The following TAFA2 variants were observed in gnomAD, a reference collection of about 807,000 sequenced individuals.
TAFA2 encodes the protein chemokine-like protein TAFA-2.
A neutral mutation model predicts 18.8 loss-of-function variants in TAFA2; 7 were observed. That is an observed-to-expected ratio of 0.37 (90% CI 0.21 to 0.70). The LOEUF (loss-of-function observed/expected upper bound fraction) is 0.70. TAFA2 is among the 30% of genes least tolerant of loss of function. The pLI, the probability that TAFA2 is intolerant of heterozygous loss-of-function variation, is 0.53. For missense variants in TAFA2, 122 were observed against 158.1 expected (o/e 0.77, Z 1.23); for synonymous variants, 60 against 54.2 (o/e 1.11, Z -0.47).
upstream of TAFA2, among the ~76,000 whole-genome samples, chr12:62,259,204 A>C (rs1057377453): frequency 6.6e-6 from 1 of 152,210 alleles, no homozygotes; most frequent in Non-Finnish European, 1.5e-5. Flanking sequence ...GACTTTTCAC[A>C]TCAATATGGT....
chr12:62,189,752 AG>A (rs2062609633), intron 1 of TAFA2, among the ~76,000 whole-genome samples: 2 of 152,216 alleles, frequency 1.3e-5, no homozygotes. Flanking sequence ...CTAATAAAGC[AG>A]TTTAGGAGTG....
At chr12:61,926,806 T>A (rs1457643147) in intron 1 of TAFA2, among the ~76,000 whole-genome samples, 5 of 151,918 alleles carry the variant, frequency 3.3e-5, no homozygotes, top group African/African-American at 9.7e-5. Flanking sequence ...GGTGCAGTGG[T>A]TCACGCCTGT....
chr12:62,058,931 G>C (rs915058003), intron 1 of TAFA2, among the ~76,000 whole-genome samples: 3 of 151,998 alleles, frequency 2.0e-5, no homozygotes, highest in Middle Eastern at 3.2e-3. Context: ...GTGAAACCCC[G>C]TCTCTACTAA....
At chr12:62,129,739 G>C (rs796305987) in intron 1 of TAFA2, among the ~76,000 whole-genome samples, 11 of 152,090 alleles carry the variant, frequency 7.2e-5, no homozygotes, top group African/African-American at 2.6e-4. Flanking sequence ...AGGATGCTTA[G>C]CAGCATTCCT....
At chr12:61,941,420 G>A (rs1283816872) in intron 1 of TAFA2, among the ~76,000 whole-genome samples, 1 of 152,144 alleles carries the variant, frequency 6.6e-6, no homozygotes, top group Non-Finnish European at 1.5e-5. Context: ...ACAAGATCTT[G>A]CCAAAATTAA....
At chr12:61,877,497 TG>T (rs1478582962) in intron 1 of TAFA2, among the ~76,000 whole-genome samples, 2 of 152,110 alleles carry the variant, frequency 1.3e-5, no homozygotes, top group African/African-American at 4.8e-5. Flanking sequence ...AAGGTGGTGG[TG>T]GAAGCCTATT....
rs562548527 is a variant in TAFA2, at chr12:62,043,337, A to G, written c.-2+147922T>C. Among the ~76,000 whole-genome samples the G allele has an allele frequency of 2.0e-5, 3 of 152,268 alleles. No individual in the cohort carries two copies. The East Asian group carries it at 5.8e-4, about 29-fold the overall frequency. Reference sequence around the variant, plus strand: ...AGGGACATGGATGAAACTGGAAACCATCATTCTCAGCAAACTATCGCAAGG... The same window carrying G: ...AGGGACATGGATGAAACTGGAAACCGTCATTCTCAGCAAACTATCGCAAGG... On this transcript the variant is annotated intron_variant, in intron 1 of 4. Transcript: ENST00000416284.
intron 4 of TAFA2, among the ~76,000 whole-genome samples, chr12:61,740,385 T>C (rs1332201461): frequency 1.3e-5 from 2 of 151,802 alleles, no homozygotes; most frequent in Non-Finnish European, 2.9e-5. Context: ...CTAATGTAGA[T>C]GATGGGTTAA....
intron 1 of TAFA2, among the ~76,000 whole-genome samples, chr12:62,209,069 C>T (rs1334378903): frequency 1.3e-5 from 2 of 152,196 alleles, no homozygotes; most frequent in Non-Finnish European, 2.9e-5. Context: ...TTCCCCAACA[C>T]AAGGTTTTTG....
At chr12:61,922,570 G>A (rs1877099737) in intron 1 of TAFA2, among the ~76,000 whole-genome samples, 1 of 152,220 alleles carries the variant, frequency 6.6e-6, no homozygotes, top group Non-Finnish European at 1.5e-5. Context: ...ATCCGGACCA[G>A]AAACTACTTT....
chr12:62,131,794 G>C (rs1404721442), intron 1 of TAFA2, among the ~76,000 whole-genome samples: 2 of 151,952 alleles, frequency 1.3e-5, no homozygotes, highest in African/African-American at 4.8e-5. Context: ...GTCTGAGTTA[G>C]TATATCACTG....
At chr12:61,759,568 A>C in intron 2 of TAFA2, among the ~76,000 whole-genome samples, 1 of 152,022 alleles carries the variant, frequency 6.6e-6, no homozygotes, top group East Asian at 1.9e-4. Flanking sequence ...AAACAAAGCC[A>C]TGTTGTTATA....
chr12:61,929,159 TA>T (rs57143585), intron 1 of TAFA2, among the ~76,000 whole-genome samples: 3,003 of 134,488 alleles, frequency 0.022, 62 homozygotes, highest in African/African-American at 0.06. Flanking sequence ...AAGTATAATT[TA>T]AAAAAAAAAA....
chr12:62,059,257 C>T (rs36102522), intron 1 of TAFA2, among the ~76,000 whole-genome samples: 64,962 of 150,736 alleles, frequency 0.43, 14,621 homozygotes, highest in Middle Eastern at 0.57. Flanking sequence ...CTTGAGGCTC[C>T]GGTGATCTAT....
intron 1 of TAFA2, among the ~76,000 whole-genome samples, chr12:61,975,652 C>CT (rs75070003): frequency 0.1 from 15,457 of 151,378 alleles, 985 homozygotes; most frequent in East Asian, 0.28. Context: ...ATCCCCACAG[C>CT]TTTTAATGCA....
At chr12:61,894,897 C>A (rs1463131242) in intron 1 of TAFA2, among the ~76,000 whole-genome samples, 1 of 152,200 alleles carries the variant, frequency 6.6e-6, no homozygotes, top group Admixed American at 6.5e-5. Flanking sequence ...ATTAAACAAA[C>A]TATCATGTGG....
At chr12:61,856,408 TATC>T (rs1457663596) in intron 2 of TAFA2, among the ~76,000 whole-genome samples, 1 of 152,054 alleles carries the variant, frequency 6.6e-6, no homozygotes, top group African/African-American at 2.4e-5. Context: ...AAGTTTTACT[TATC>T]ATCTTTAGTA....
intron 1 of TAFA2, among the ~76,000 whole-genome samples, chr12:61,877,924 T>TACACACAC (rs57233464): frequency 1.2e-3 from 173 of 147,056 alleles, no homozygotes; most frequent in African/African-American, 4.2e-3. Context: ...TATATATATA[T>TACACACAC]ACACACACAC....
intron 1 of TAFA2, among the ~76,000 whole-genome samples, chr12:62,036,532 G>T (rs1205329382): frequency 6.6e-6 from 1 of 152,166 alleles, no homozygotes; most frequent in Non-Finnish European, 1.5e-5. Flanking sequence ...AGACTTTAGG[G>T]CTTCTTGTGT....
Sources: allele counts gnomAD v4.1 joint callset (sites outside exome capture counted in the v4.1 genomes callset), GRCh38; gene constraint gnomAD v4.1.1; transcripts MANE v1.5; gene names NCBI Gene and HGNC (gene_info 2026-07-23, HGNC 2026-07-21).